Variants in RBFOX1 observed in about 807,000 individuals in gnomAD.
RBFOX1 encodes RNA binding protein fox-1 homolog 1.
Under a neutral mutation model 57.7 loss-of-function variants are expected in RBFOX1, and 8 were observed. The ratio of observed to expected loss-of-function variants is 0.14; its 90% CI spans 0.08 to 0.25. The LOEUF is 0.25. RBFOX1 is among the 10% of genes least tolerant of loss of function. The pLI, the probability that RBFOX1 is intolerant of heterozygous loss-of-function variation, is 1.00. For synonymous variants in RBFOX1, 326 were observed against 222.4 expected (o/e 1.47, Z -4.15); for missense variants, 611 against 548.5 (o/e 1.11, Z -1.14).
chr16:5,571,819 C>T (rs1223570966), intron 2 of RBFOX1, among the ~76,000 whole-genome samples: 1 of 152,206 alleles, frequency 6.6e-6, no homozygotes. Context: ...CCTCTTCTTC[C>T]AAATATAGTC....
chr16:6,027,085 C>T (rs2095211144), intron 1 of RBFOX1, among the ~76,000 whole-genome samples: 1 of 152,174 alleles, frequency 6.6e-6, no homozygotes, highest in Non-Finnish European at 1.5e-5. Flanking sequence ...TGTCTCTTTT[C>T]TGTGAATTTT....
At chr16:6,471,798 A>G (rs1267174634) in intron 2 of RBFOX1, among the ~76,000 whole-genome samples, 3 of 152,120 alleles carry the variant, frequency 2.0e-5, no homozygotes, top group Non-Finnish European at 4.4e-5. Flanking sequence ...GTCTTGTGCA[A>G]TCCCAGCTGT....
rs906474404 is a variant in RBFOX1, at chr16:6,672,438, GAA to G, written c.-16+17790_-16+17791del. On this transcript the variant is annotated intron_variant, in intron 3 of 15. Transcript: ENST00000550418. ...TGGATGGAAGGAAGGAAAAAGAAAAGAAAGAGAAAAGAAAGGAAAGGAAGGAA... is the reference window on the plus strand; with the variant it reads ...TGGATGGAAGGAAGGAAAAAGAAAAGAGAGAAAAGAAAGGAAAGGAAGGAA... 8.7e-5 allele frequency among the ~76,000 whole-genome samples: 12 copies of G among 137,650 alleles called. No individual in the cohort carries two copies. The South Asian group carries it at 2.1e-3, about 24-fold the overall frequency. The allele number at this position is 137,650 out of a possible 152,430, so 90.3% of individuals were successfully genotyped here.
At chr16:7,193,685 C>G (rs981091113) in intron 4 of RBFOX1, among the ~76,000 whole-genome samples, 6 of 152,220 alleles carry the variant, frequency 3.9e-5, no homozygotes, top group Admixed American at 1.3e-4. Context: ...TGTCACAGAG[C>G]TGGTATGTGA....
intron 4 of RBFOX1, among the ~76,000 whole-genome samples, chr16:7,474,837 T>C (rs564562502): frequency 1.2e-4 from 19 of 152,348 alleles, no homozygotes; most frequent in African/African-American, 4.6e-4. Flanking sequence ...GTAAGCATTC[T>C]TTGTGTGTTG....
At chr16:6,409,004 A>G (rs2093373874) in intron 2 of RBFOX1, among the ~76,000 whole-genome samples, 2 of 152,194 alleles carry the variant, frequency 1.3e-5, no homozygotes, top group East Asian at 1.9e-4. Flanking sequence ...TTGTTCATCA[A>G]TGCATACTTA....
chr16:6,008,951 C>G lies in RBFOX1; in HGVS notation c.351+141616C>G, dbSNP rs147295316. Reference sequence around the variant, plus strand: ...AGAAATCAAATAGACGGATGGCTTTCTCATTGACAGCCTCTCAAGTTGGCT... The same window carrying G: ...AGAAATCAAATAGACGGATGGCTTTGTCATTGACAGCCTCTCAAGTTGGCT... On this transcript the variant is annotated intron_variant, in intron 4 of 19. Coordinates refer to the RBFOX1 transcript ENST00000641259. Among the ~76,000 whole-genome samples, 95 of 152,284 alleles carry G rather than the reference C, an allele frequency of 6.2e-4. 1 individual carries two copies. The highest frequency in any genetic ancestry group is 2.2e-3 in the African/African-American group (90 of 41,564).
At position 7,709,005 on chromosome 16, in the gene RBFOX1, G is replaced by A. The variant is rs548275698; in HGVS notation, c.996-51G>A. The stretch of plus-strand genomic sequence containing the variant: ...TATTTTGGATTTTATGATTGTTATT[G>A]TTTTGTAATTGCATACTGTGGATCA... On this transcript the variant is annotated intron_variant, in intron 14 of 15. Transcript: ENST00000550418. The A allele has an allele frequency of 4.1e-5, 63 of 1,523,516 alleles. No homozygotes were observed. In the Middle Eastern group the frequency reaches 1.4e-3, roughly 33 times the overall value. The allele number at this position is 1,523,516 out of a possible 1,614,324, so 94.4% of individuals were successfully genotyped here.
At chr16:7,409,598 T>A (rs9930549) in intron 4 of RBFOX1, among the ~76,000 whole-genome samples, 2,163 of 152,318 alleles carry the variant, frequency 0.014, 53 homozygotes, top group African/African-American at 0.049. Context: ...GTAATACATA[T>A]TACGTTCGTT....
intron 4 of RBFOX1, among the ~76,000 whole-genome samples, chr16:7,082,741 A>G (rs922047446): frequency 2.6e-5 from 4 of 152,144 alleles, no homozygotes; most frequent in African/African-American, 7.2e-5. Context: ...TTAATGTATC[A>G]CAATGGCATT....
At chr16:7,165,830 A>G (rs1397409482) in intron 4 of RBFOX1, among the ~76,000 whole-genome samples, 1 of 152,022 alleles carries the variant, frequency 6.6e-6, no homozygotes, top group East Asian at 1.9e-4. Flanking sequence ...CTGCTAGACC[A>G]GGAATGAAGA....
In RBFOX1 at chr16:7,139,624, A is replaced by T. The variant is rs115969706; in HGVS notation, c.27+87526A>T. The stretch of plus-strand genomic sequence containing the variant: ...AGCAATGGTGAGGAAAGGATCAGAG[A>T]CCTGAGTCCACCCTCGACAGTTTCA... On this transcript the variant is annotated intron_variant, in intron 4 of 15. Coordinates refer to ENST00000550418, the MANE Select transcript of RBFOX1 (RefSeq NM_018723.4). Among the ~76,000 whole-genome samples the T allele has an allele frequency of 7.6e-3, 1,151 of 152,294 alleles. 15 individuals carry two copies. The highest frequency in any genetic ancestry group is 0.026 in the African/African-American group (1,082 of 41,576).
chr16:5,339,558 C>CTGCAAGCT (rs1567355181), intron 1 of RBFOX1, among the ~76,000 whole-genome samples: 1 of 128,994 alleles, frequency 7.8e-6, no homozygotes, highest in Non-Finnish European at 1.6e-5. Context: ...TCTTAGCTCA[C>CTGCAAGCT]TGCAAGCTTC....
intron 4 of RBFOX1, among the ~76,000 whole-genome samples, chr16:7,247,890 G>A (rs2153002484): frequency 6.6e-6 from 1 of 152,252 alleles, no homozygotes; most frequent in East Asian, 1.9e-4. Context: ...GCCTATCAGA[G>A]GGTGGAGGGT....
chr16:6,329,079 A>T (rs1861184), intron 2 of RBFOX1, among the ~76,000 whole-genome samples: 2,373 of 152,216 alleles, frequency 0.016, 54 homozygotes, highest in African/African-American at 0.054. Flanking sequence ...TTCCCCCTGA[A>T]GTTAATCTTT....
At chr16:7,244,786 G>A (rs552443145) in intron 4 of RBFOX1, among the ~76,000 whole-genome samples, 1 of 152,338 alleles carries the variant, frequency 6.6e-6, no homozygotes, top group Non-Finnish European at 1.5e-5. Context: ...AAGGAGGCAG[G>A]CTGGGTCATC....
intron 2 of RBFOX1, among the ~76,000 whole-genome samples, chr16:6,585,829 T>A (rs2097604614): frequency 6.6e-6 from 1 of 152,186 alleles, no homozygotes; most frequent in South Asian, 2.1e-4. Flanking sequence ...TAGGGGTCTG[T>A]GCATTAAAAT....
At chr16:6,044,566 G>C (rs1455541722) in intron 1 of RBFOX1, among the ~76,000 whole-genome samples, 3 of 152,072 alleles carry the variant, frequency 2.0e-5, no homozygotes, top group Non-Finnish European at 4.4e-5. Flanking sequence ...CAAAACATTG[G>C]CATTCCACAA....
intron 2 of RBFOX1, among the ~76,000 whole-genome samples, chr16:5,592,912 CG>C (rs1223376848): frequency 2.0e-5 from 3 of 152,040 alleles, no homozygotes; most frequent in African/African-American, 4.8e-5. Flanking sequence ...GTCAGTGGTG[CG>C]GGGGCCAGAG....
Sources: gnomAD v4.1 joint callset for allele counts (sites outside exome capture counted in the v4.1 genomes callset) on GRCh38, gnomAD v4.1.1 for gene constraint, MANE v1.5 for transcripts, NCBI Gene and HGNC (gene_info 2026-07-23, HGNC 2026-07-21) for gene names.